Variants in C1QTNF3 observed in about 807,000 individuals in gnomAD.
C1QTNF3 encodes complement C1q tumor necrosis factor-related protein 3.
C1QTNF3 carries 26 observed loss-of-function variants against 32.6 expected under a neutral mutation model. The observed-to-expected ratio is 0.80, with a 90% confidence interval of 0.58 to 1.11. C1QTNF3 has a LOEUF of 1.11. C1QTNF3 is among the 50% of genes least tolerant of loss of function. The pLI is 0.00. For missense variants in C1QTNF3, 362 were observed against 398.2 expected (o/e 0.91, Z 0.77); for synonymous variants, 155 against 146.0 (o/e 1.06, Z -0.44).
At chr5:34,101,785 G>T in the C1QTNF3 span, among the ~76,000 whole-genome samples, 16 of 151,906 alleles carry the variant, frequency 1.1e-4, no homozygotes, top group African/African-American at 3.6e-4. Flanking sequence ...GATCATTTCA[G>T]ATCCTTTTGA....
intron 3 of C1QTNF3, among the ~76,000 whole-genome samples, chr5:34,031,007 A>C (rs1466312357): frequency 6.6e-6 from 1 of 152,164 alleles, no homozygotes; most frequent in Non-Finnish European, 1.5e-5. Context: ...CTGGTGATAA[A>C]ATAATCTGTA....
the C1QTNF3 span, among the ~76,000 whole-genome samples, chr5:34,215,208 T>C: frequency 6.6e-6 from 1 of 152,150 alleles, no homozygotes; most frequent in East Asian, 1.9e-4. Flanking sequence ...CACTTAAATT[T>C]TAGCAAACTT....
chr5:34,201,643 A>T, the C1QTNF3 span, among the ~76,000 whole-genome samples: 12 of 152,302 alleles, frequency 7.9e-5, no homozygotes, highest in African/African-American at 2.2e-4. Flanking sequence ...CTTCTACAAC[A>T]AACTTCTGAT....
At chr5:34,135,992 T>C in the C1QTNF3 span, among the ~76,000 whole-genome samples, 1 of 151,616 alleles carries the variant, frequency 6.6e-6, no homozygotes, top group Non-Finnish European at 1.5e-5. Flanking sequence ...TAATTCAAGA[T>C]GGATTAAAGA....
the C1QTNF3 span, among the ~76,000 whole-genome samples, chr5:34,118,519 C>T: frequency 6.6e-6 from 1 of 152,244 alleles, no homozygotes; most frequent in Middle Eastern, 3.4e-3. Flanking sequence ...CTTTTGTCTT[C>T]AGTTTTGAAA....
At chr5:34,103,240 T>C in the C1QTNF3 span, among the ~76,000 whole-genome samples, 1 of 152,180 alleles carries the variant, frequency 6.6e-6, no homozygotes, top group Admixed American at 6.5e-5. Context: ...ATCCCACCTT[T>C]GTTAGAATAA....
the C1QTNF3 span, among the ~76,000 whole-genome samples, chr5:34,122,850 C>T: frequency 6.7e-6 from 1 of 149,418 alleles, no homozygotes; most frequent in Non-Finnish European, 1.5e-5. Flanking sequence ...GAAGAATGAC[C>T]CTGAAGGCAT....
chr5:34,142,707 G>A, the C1QTNF3 span, among the ~76,000 whole-genome samples: 1 of 152,214 alleles, frequency 6.6e-6, no homozygotes, highest in South Asian at 2.1e-4. Flanking sequence ...GAAACCAAGA[G>A]CAAGAACTCA....
chr5:34,090,623 C>T, the C1QTNF3 span, among the ~76,000 whole-genome samples: 4 of 152,162 alleles, frequency 2.6e-5, no homozygotes, highest in Non-Finnish European at 5.9e-5. Flanking sequence ...CAAAATTTAT[C>T]TGTTGAAACC....
At chr5:34,103,851 T>A in the C1QTNF3 span, among the ~76,000 whole-genome samples, 41 of 151,972 alleles carry the variant, frequency 2.7e-4, no homozygotes, top group African/African-American at 9.6e-4. Context: ...TCAAATCACG[T>A]TTTATATATG....
chr5:34,213,788 TA>T, the C1QTNF3 span, among the ~76,000 whole-genome samples: 2 of 6,790 alleles, frequency 2.9e-4, no homozygotes, highest in Admixed American at 5.0e-3. Flanking sequence ...TATATATACA[TA>T]TATATATATA....
chr5:34,055,864 C>G, the C1QTNF3 span, among the ~76,000 whole-genome samples: 1 of 152,354 alleles, frequency 6.6e-6, no homozygotes, highest in South Asian at 2.1e-4. Flanking sequence ...GTCTTCAGCT[C>G]TGAAACACAC....
At chr5:34,078,276 C>T in the C1QTNF3 span, among the ~76,000 whole-genome samples, 2 of 151,730 alleles carry the variant, frequency 1.3e-5, no homozygotes, top group Non-Finnish European at 2.9e-5. This position sits in a 1 kb window ranked among gnomAD's most constrained non-coding sequence, Gnocchi z 4.0. Flanking sequence ...TTGCCTCCAC[C>T]GGATACCCAG....
At chr5:34,163,321 C>T in the C1QTNF3 span, among the ~76,000 whole-genome samples, 1 of 151,980 alleles carries the variant, frequency 6.6e-6, no homozygotes, top group Non-Finnish European at 1.5e-5. Context: ...CGCATGTACC[C>T]GCAAACCTAA....
the C1QTNF3 span, among the ~76,000 whole-genome samples, chr5:34,101,323 TGA>T: frequency 6.6e-6 from 1 of 151,388 alleles, no homozygotes; most frequent in African/African-American, 2.4e-5. Flanking sequence ...TATTAATGTG[TGA>T]ATTTGGACAA....
chr5:34,026,991 G>A (rs1048048115), intron 4 of C1QTNF3, among the ~76,000 whole-genome samples: 1 of 152,178 alleles, frequency 6.6e-6, no homozygotes, highest in Admixed American at 6.5e-5. Context: ...AAAACCTGGT[G>A]AGATCTGAAT....
At chr5:34,138,490 A>G in the C1QTNF3 span, among the ~76,000 whole-genome samples, 3 of 152,096 alleles carry the variant, frequency 2.0e-5, no homozygotes, top group Non-Finnish European at 4.4e-5. Context: ...GAAAGGTTTG[A>G]GTATTTGTTT....
chr5:34,064,650 G>A, the C1QTNF3 span, among the ~76,000 whole-genome samples: 2 of 152,208 alleles, frequency 1.3e-5, no homozygotes, highest in African/African-American at 2.4e-5. Context: ...AGGGGTGGAA[G>A]TCAATGGCAG....
At chr5:34,225,563 G>A in the C1QTNF3 span, among the ~76,000 whole-genome samples, 1 of 151,934 alleles carries the variant, frequency 6.6e-6, no homozygotes. Context: ...ATTCGTCTGA[G>A]TATTTTCTGG....
Sources: allele counts gnomAD v4.1 joint callset (sites outside exome capture counted in the v4.1 genomes callset), GRCh38; gene constraint gnomAD v4.1.1; non-coding constraint Gnocchi (gnomAD v3.1); transcripts MANE v1.5; gene names NCBI Gene and HGNC (gene_info 2026-07-23, HGNC 2026-07-21).